KALRN: variants seen among roughly 807,000 people sequenced by gnomAD.
KALRN encodes the protein kalirin RhoGEF kinase.
KALRN carries 70 observed loss-of-function variants against 353.7 expected under a neutral mutation model. That is an observed-to-expected ratio of 0.20 (90% CI 0.16 to 0.24). KALRN has a LOEUF of 0.24. KALRN is among the 10% of genes least tolerant of loss of function. The pLI, the probability that KALRN is intolerant of heterozygous loss-of-function variation, is 1.00. For synonymous variants in KALRN, 1,391 were observed against 1,434.8 expected, an observed-to-expected ratio of 0.97 and a Z score of 0.69; for missense variants, 2,791 against 3,756.7, an observed-to-expected ratio of 0.74 and a Z score of 6.72.
At chr3:124,232,919 C>G (rs774162531) in intron 2 of KALRN, among the ~76,000 whole-genome samples, 17 of 151,836 alleles carry the variant, frequency 1.1e-4, no homozygotes, top group Non-Finnish European at 1.5e-4. Context: ...GTTTCCTGAG[C>G]ATAGTGTCCA....
intron 15 of KALRN, among the ~76,000 whole-genome samples, chr3:124,426,315 A>T: frequency 6.6e-6 from 1 of 152,210 alleles, no homozygotes; most frequent in East Asian, 1.9e-4. Flanking sequence ...TTTAGACAGT[A>T]GCTTGAGAGT....
chr3:124,409,641 C>T (rs1413287761), intron 13 of KALRN, among the ~76,000 whole-genome samples: 1 of 152,068 alleles, frequency 6.6e-6, no homozygotes, highest in East Asian at 1.9e-4. Context: ...ACAGGGTAAG[C>T]CTGGGAAGCT....
intron 25 of KALRN, among the ~76,000 whole-genome samples, chr3:124,467,119 G>A (rs1561036944): frequency 6.6e-6 from 1 of 152,194 alleles, no homozygotes; most frequent in Non-Finnish European, 1.5e-5. Flanking sequence ...TCCCAACCTG[G>A]TGTTCCCTGC....
chr3:124,548,943 C>T (rs1008297539), intron 33 of KALRN, among the ~76,000 whole-genome samples: 3 of 152,204 alleles, frequency 2.0e-5, no homozygotes, highest in African/African-American at 7.2e-5. Flanking sequence ...CATGAACCAC[C>T]GTGCCTGGTC....
At chr3:124,619,265 T>A (rs1452378460) in intron 34 of KALRN, among the ~76,000 whole-genome samples, 1 of 152,148 alleles carries the variant, frequency 6.6e-6, no homozygotes, top group African/African-American at 2.4e-5. Context: ...CTGAGTAATA[T>A]TTCATTGTCT....
chr3:124,356,147 C>G (rs1235460247), intron 10 of KALRN, among the ~76,000 whole-genome samples: 1 of 151,992 alleles, frequency 6.6e-6, no homozygotes, highest in African/African-American at 2.4e-5. Context: ...TTTGCTGCCT[C>G]TACTTCCTTA....
intron 31 of KALRN, chr3:124,491,703 A>G (rs1237219707): frequency 1.0e-5 from 3 of 294,720 alleles, no homozygotes; most frequent in African/African-American, 6.5e-5. Context: ...GCCCGCTTAA[A>G]CTGTGCTCTG....
intron 34 of KALRN, among the ~76,000 whole-genome samples, chr3:124,598,487 G>T (rs149500968): frequency 8.5e-5 from 13 of 152,180 alleles, no homozygotes; most frequent in African/African-American, 3.1e-4. Context: ...CTTGCTGGAG[G>T]CCTCCTGACT....
At chr3:124,186,854 A>G (rs1332921235) in intron 1 of KALRN, among the ~76,000 whole-genome samples, 2 of 152,086 alleles carry the variant, frequency 1.3e-5, no homozygotes, top group Non-Finnish European at 1.5e-5. Flanking sequence ...AGTGTATCCA[A>G]TTCCTCCTGA....
At chr3:124,080,512 G>T (rs1233114002) in intron 1 of KALRN, among the ~76,000 whole-genome samples, 1 of 152,144 alleles carries the variant, frequency 6.6e-6, no homozygotes, top group Non-Finnish European at 1.5e-5. Flanking sequence ...TGTGTTTGAG[G>T]TTAACATATC....
At chr3:124,519,972 AT>A in intron 33 of KALRN, 1 of 651,750 alleles carries the variant, frequency 1.5e-6, no homozygotes, top group Non-Finnish European at 1.9e-6. Flanking sequence ...GACAGATGCA[AT>A]GAGCGTGTGT....
Position 124,584,992 on chromosome 3 carries a change from T to C in KALRN, c.5182+21903T>C. Reference sequence around the variant, plus strand: ...AGGGAGGGTGGTAGGGAGGGAAGGGTTGGGGAGGCCTCTGGGGTAGGCGGA... The same window carrying C: ...AGGGAGGGTGGTAGGGAGGGAAGGGCTGGGGAGGCCTCTGGGGTAGGCGGA... On this transcript the variant is annotated intron_variant, in intron 34 of 59. Transcript: ENST00000682506. 3.4e-6 allele frequency: 5 copies of C among 1,467,190 alleles called. No individual in the cohort carries two copies. In the Middle Eastern group the frequency reaches 7.2e-4, roughly 210 times the overall value. 90.9% of individuals were successfully genotyped at this position (1,467,190 alleles called of 1,614,324 possible).
rs115614808 is a variant in KALRN, at chr3:124,316,315, C to T, written c.1093-9665C>T. ...CAGCAGTCCATTCTCGACCCACAGC[C>T]TGAGTGATCCTGCCTAAAGGTGAGG... On this transcript the variant is annotated intron_variant, in intron 6 of 59. Coordinates refer to ENST00000682506, the MANE Select transcript of KALRN (RefSeq NM_001388419.1). 2.9e-3 allele frequency among the ~76,000 whole-genome samples: 448 copies of T among 152,112 alleles called. 5 individuals are homozygous for T. Among genetic ancestry groups the T allele is most frequent in the African/African-American group, 0.01 (430 of 41,524 alleles).
Position 124,702,062 on chromosome 3 carries a change from T to C in KALRN, c.8021T>C (p.Ile2674Thr). The change falls in exon 57 of 60, where the codon ATT (isoleucine) becomes ACT (threonine). Residue 2674 changes from isoleucine (I) to threonine (T), a missense_variant. Coordinates refer to ENST00000682506, the MANE Select transcript of KALRN (RefSeq NM_001388419.1). ...GATGCTGCTGCTGATGGTGCCACCA[T>C]TTCTTGGAAGGAAAATTTTGACTCA... Reference protein sequence around the residue: ...EYDAAADGATISWKENFDSAY... With the variant: ...EYDAAADGATTSWKENFDSAY... 6.2e-7 allele frequency: 1 copy of C among 1,613,918 alleles called. No individual in the cohort carries two copies. The highest frequency in any genetic ancestry group is 8.5e-7 in the Non-Finnish European group (1 of 1,179,910).
At chr3:124,434,261 G>A (rs764375157) in intron 16 of KALRN, 46 bp from the exon 17 acceptor site, 24 of 1,527,888 alleles carry the variant, frequency 1.6e-5, no homozygotes, top group Admixed American at 3.4e-5. Context: ...CCCATACCAC[G>A]CCTGGGTTGT....
intron 34 of KALRN, among the ~76,000 whole-genome samples, chr3:124,620,810 C>G (rs2079181239): frequency 6.6e-6 from 1 of 152,166 alleles, no homozygotes; most frequent in Non-Finnish European, 1.5e-5. Context: ...CCCTCTGTCT[C>G]TGACTCAGAC....
intron 55 of KALRN, among the ~76,000 whole-genome samples, chr3:124,699,659 T>G (rs1314533717): frequency 6.6e-6 from 1 of 152,222 alleles, no homozygotes; most frequent in African/African-American, 2.4e-5. Flanking sequence ...TAGGCCAGCT[T>G]CTTCCACGCC....
Position 124,323,629 on chromosome 3 carries a change from A to G in KALRN, c.1093-2351A>G, listed in dbSNP as rs2079572561. The stretch of plus-strand genomic sequence containing the variant: ...TGGGAGGGAGGAGGATGTAATAGGC[A>G]GTGATGACAAAGGGCTGGGTGTCTA... On this transcript the variant is annotated intron_variant, in intron 6 of 59. Coordinates refer to ENST00000682506, the MANE Select transcript of KALRN (RefSeq NM_001388419.1). 2.0e-5 allele frequency among the ~76,000 whole-genome samples: 3 copies of G among 152,338 alleles called. No homozygotes were observed. The South Asian group carries it at 6.2e-4, about 32-fold the overall frequency.
In KALRN at chr3:124,413,637, C is replaced by A. The variant is rs752164062; in HGVS notation, c.2514C>A (p.His838Gln). 6.2e-7 allele frequency: 1 copy of A among 1,614,074 alleles called. No individual in the cohort carries two copies. The highest frequency in any genetic ancestry group is 8.5e-7 in the Non-Finnish European group (1 of 1,179,984). Reference protein sequence around the residue: ...FEVIQQGQDLHQYITEVQASG... With the variant: ...FEVIQQGQDLQQYITEVQASG... ...TTATCCAGCAGGGACAGGATCTGCA[C>A]CAGTACATCACGGAGGTCCAGGCAT... Residue 838 changes from histidine to glutamine, a missense_variant, in exon 14 of 60, where the codon CAC becomes CAA. Physicochemically the swap from His to Gln is conservative, Grantham distance 24. Transcript: ENST00000682506.
Sources: allele counts gnomAD v4.1 joint callset (sites outside exome capture counted in the v4.1 genomes callset), GRCh38; gene constraint gnomAD v4.1.1; transcripts MANE v1.5; gene names NCBI Gene and HGNC (gene_info 2026-07-23, HGNC 2026-07-21).